The following ARMH4 variants were observed in gnomAD, a reference collection of about 807,000 sequenced individuals.
The protein encoded by ARMH4 is armadillo like helical domain containing 4.
Under a neutral mutation model 61.9 loss-of-function variants are expected in ARMH4, and 49 were observed. That is an observed-to-expected ratio of 0.79 (90% CI 0.63 to 1.00). The LOEUF is 1.00. ARMH4 is among the 50% of genes least tolerant of loss of function. The probability of loss-of-function intolerance (pLI) is 0.00; values close to 1 mark genes in which losing one functional copy is unlikely to be tolerated. For synonymous variants in ARMH4, 368 were observed against 341.5 expected, an observed-to-expected ratio of 1.08 and a Z score of -0.85; for missense variants, 934 against 930.0, an observed-to-expected ratio of 1.00 and a Z score of -0.06.
Position 58,005,149 on chromosome 14 carries a change from C to A in ARMH4, c.2155G>T (p.Gly719Trp). Reference protein sequence around the residue: ...GYMSGMLVPVGVGIAGALFIL... With the variant: ...GYMSGMLVPVWVGIAGALFIL... ...AACAAGGCTCCAGCTATCCCAACCC[C>A]TACAGGCACCAGCATCCCAGACATG... The change falls in exon 7 of 8, where the codon GGG (glycine) becomes TGG (tryptophan). Residue 719 changes from glycine (G) to tryptophan (W), a missense_variant. Coordinates refer to ENST00000267485, the MANE Select transcript of ARMH4 (RefSeq NM_001001872.4). 6.2e-7 allele frequency: 1 copy of A among 1,614,012 alleles called. No homozygotes were observed. The highest frequency in any genetic ancestry group is 2.2e-5 in the East Asian group (1 of 44,872).
chr14:58,013,646 G>A (rs1882494833), intron 5 of ARMH4, among the ~76,000 whole-genome samples: 1 of 152,108 alleles, frequency 6.6e-6, no homozygotes, highest in Non-Finnish European at 1.5e-5. Flanking sequence ...GCAAACCAAT[G>A]ACAAACATGA....
intron 4 of ARMH4, among the ~76,000 whole-genome samples, chr14:58,120,480 T>C (rs1371280280): frequency 1.3e-5 from 2 of 152,092 alleles, no homozygotes; most frequent in Admixed American, 1.3e-4. Flanking sequence ...TTAGAGTCCT[T>C]TTTTTGTGAT....
intron 4 of ARMH4, among the ~76,000 whole-genome samples, chr14:58,097,642 C>T (rs982583731): frequency 2.0e-5 from 3 of 151,854 alleles, no homozygotes; most frequent in African/African-American, 7.3e-5. Flanking sequence ...CCATTATCTT[C>T]ATTGTAAGAG....
intron 4 of ARMH4, among the ~76,000 whole-genome samples, chr14:58,102,161 C>T (rs12587538): frequency 0.5 from 75,634 of 151,980 alleles, 19,302 homozygotes; most frequent in Middle Eastern, 0.62. Context: ...TGGAAGGCCT[C>T]AGGCAGGGAT....
At position 58,139,230 on chromosome 14, in the gene ARMH4, T is replaced by C. The variant is rs1566600796; in HGVS notation, c.129A>G (p.Glu43=). The change falls in exon 2 of 8, where the codon GAA becomes GAG. Residue 43 remains glutamate, a synonymous_variant. Coordinates refer to ENST00000267485, the MANE Select transcript of ARMH4 (RefSeq NM_001001872.4). ...TGTTCATCTTATCGGACTGCCCTTTTTCCGCATGAACATGTGCTATCTCCC... is the reference window on the plus strand; with the variant it reads ...TGTTCATCTTATCGGACTGCCCTTTCTCCGCATGAACATGTGCTATCTCCC... ...RRREIAHVHA[E]KGQSDKMNTD... 2 of 1,614,114 alleles carry C rather than the reference T, an allele frequency of 1.2e-6. No homozygotes were observed. The highest frequency in any genetic ancestry group is 4.5e-5 in the East Asian group (2 of 44,898).
chr14:58,121,720 GACTT>G (rs1449117576), intron 4 of ARMH4, among the ~76,000 whole-genome samples: 10 of 152,044 alleles, frequency 6.6e-5, no homozygotes, highest in African/African-American at 2.4e-4. Flanking sequence ...ACAACAAAAT[GACTT>G]ACCATAAGAG....
At chr14:58,080,745 A>G (rs554496970) in intron 5 of ARMH4, among the ~76,000 whole-genome samples, 4 of 151,934 alleles carry the variant, frequency 2.6e-5, no homozygotes, top group Non-Finnish European at 5.9e-5. Flanking sequence ...GGTTGAATTT[A>G]TTTTTTTTAA....
At chr14:58,063,716 C>G (rs887657774) in intron 5 of ARMH4, among the ~76,000 whole-genome samples, 3 of 152,172 alleles carry the variant, frequency 2.0e-5, no homozygotes, top group African/African-American at 7.2e-5. Flanking sequence ...CTATCACAAC[C>G]TCCCAGCTCA....
At chr14:58,085,383 C>CTAGATGTTT (rs149559558) in intron 5 of ARMH4, among the ~76,000 whole-genome samples, 61,913 of 150,122 alleles carry the variant, frequency 0.41, 13,138 homozygotes, top group Non-Finnish European at 0.46. Context: ...GAAGAGCCTA[C>CTAGATGTTT]TAGATGTTTT....
intron 5 of ARMH4, among the ~76,000 whole-genome samples, chr14:58,072,492 GT>G (rs1218008348): frequency 6.6e-6 from 1 of 152,066 alleles, no homozygotes; most frequent in Non-Finnish European, 1.5e-5. Flanking sequence ...GCGGAGGTGG[GT>G]GGATCACCTG....
chr14:58,020,774 AC>A (rs1475523076), intron 5 of ARMH4, among the ~76,000 whole-genome samples: 1 of 152,136 alleles, frequency 6.6e-6, no homozygotes, highest in African/African-American at 2.4e-5. Flanking sequence ...CTTAGGGTGA[AC>A]CTTAAAACTC....
At chr14:58,018,660 G>C (rs1882704064) in intron 5 of ARMH4, among the ~76,000 whole-genome samples, 1 of 152,178 alleles carries the variant, frequency 6.6e-6, no homozygotes, top group Admixed American at 6.5e-5. Context: ...GGAAATCCCT[G>C]TACACTGTTG....
At chr14:58,117,974 G>T (rs1299022892) in intron 4 of ARMH4, among the ~76,000 whole-genome samples, 1 of 151,602 alleles carries the variant, frequency 6.6e-6, no homozygotes, top group South Asian at 2.1e-4. Context: ...ATGTTTCCCA[G>T]ACTAGTCTCA....
intron 5 of ARMH4, among the ~76,000 whole-genome samples, chr14:58,074,640 A>G (rs1262815809): frequency 6.6e-6 from 1 of 152,108 alleles, no homozygotes; most frequent in African/African-American, 2.4e-5. Flanking sequence ...AGTTGGGAAA[A>G]GATACACAGT....
chr14:58,118,657 G>A (rs899355504), intron 4 of ARMH4, among the ~76,000 whole-genome samples: 57 of 152,114 alleles, frequency 3.7e-4, no homozygotes, highest in African/African-American at 1.2e-3. Context: ...GACAGAGCAC[G>A]GAATGGGTCA....
chr14:58,079,481 C>T (rs1885152494), intron 5 of ARMH4, among the ~76,000 whole-genome samples: 1 of 152,200 alleles, frequency 6.6e-6, no homozygotes, highest in South Asian at 2.1e-4. Context: ...GCTCTGCCCC[C>T]ATGATTTAAT....
rs1882116056 is a variant in ARMH4, at chr14:58,005,132, T to C, written c.2172A>G (p.Gly724=). 2 of 1,613,954 alleles carry C rather than the reference T, an allele frequency of 1.2e-6. No homozygotes were observed. The highest frequency in any genetic ancestry group is 8.5e-7 in the Non-Finnish European group (1 of 1,179,954). Residue 724 remains glycine, a synonymous_variant, in exon 7 of 8, where the codon GGA becomes GGG. Coordinates refer to ENST00000267485, the MANE Select transcript of ARMH4 (RefSeq NM_001001872.4). ...MLVPVGVGIA[G]ALFILGALYS... ...AGAGGGCTCCCAAGATGAACAAGGC[T>C]CCAGCTATCCCAACCCCTACAGGCA...
At chr14:58,097,705 T>A (rs869092892) in intron 4 of ARMH4, among the ~76,000 whole-genome samples, 1 of 148,736 alleles carries the variant, frequency 6.7e-6, no homozygotes, top group Admixed American at 6.7e-5. Context: ...ATTTTTTATT[T>A]ATTTATTTAT....
At chr14:58,148,846 TACACACACACACAC>T (rs138826141) in intron 1 of ARMH4, among the ~76,000 whole-genome samples, 11 of 145,720 alleles carry the variant, frequency 7.5e-5, no homozygotes, top group African/African-American at 2.0e-4. Flanking sequence ...CAGAGTTTAT[TACACACACACACAC>T]ACACACACAC....
Sources: allele counts gnomAD v4.1 joint callset (sites outside exome capture counted in the v4.1 genomes callset), GRCh38; gene constraint gnomAD v4.1.1; transcripts MANE v1.5; gene names NCBI Gene and HGNC (gene_info 2026-07-23, HGNC 2026-07-21).